SCRIB: variants seen among roughly 807,000 people sequenced by gnomAD.
SCRIB encodes the protein scribble planar cell polarity protein.
In SCRIB, 72 loss-of-function variants were observed where a neutral mutation model predicts 170.0. The observed-to-expected ratio is 0.42, with a 90% confidence interval of 0.35 to 0.52. The LOEUF is 0.52. Ranked by LOEUF, SCRIB falls within the 20% of genes least tolerant of loss-of-function variation. The probability of loss-of-function intolerance (pLI) is 0.02; values close to 1 mark genes in which losing one functional copy is unlikely to be tolerated. For missense variants in SCRIB, 2,475 were observed against 2,338.5 expected (o/e 1.06, Z -1.20); for synonymous variants, 1,298 against 1,044.3 (o/e 1.24, Z -4.68).
Position 143,805,453 on chromosome 8 carries a change from C to T in SCRIB, c.2347-18G>A, listed in dbSNP as rs1554636336. ...CCATTCACCTGCGGGCCAGGGACCA[C>T]GTGCGTATTCAGGACCCAGTGCCGC... On this transcript the variant is annotated intron_variant, in intron 18 of 36. Coordinates refer to ENST00000356994, the MANE Select transcript of SCRIB (RefSeq NM_182706.5). 7.5e-6 allele frequency: 11 copies of T among 1,464,098 alleles called. No homozygotes were observed. The highest frequency in any genetic ancestry group is 4.1e-5 in the South Asian group (3 of 73,372). The allele number at this position is 1,464,098 out of a possible 1,614,324, so 90.7% of individuals were successfully genotyped here.
intron 30 of SCRIB, 32 bp from the exon 31 acceptor site, chr8:143,792,667 C>A: frequency 1.3e-6 from 2 of 1,591,494 alleles, no homozygotes; most frequent in Non-Finnish European, 1.7e-6. Flanking sequence ...CAGGCCAGAC[C>A]AGCCGAGACC....
At position 143,790,943 on chromosome 8, in the gene SCRIB, A is replaced by T; in HGVS notation, c.*220T>A. 2.3e-6 allele frequency: 1 copy of T among 436,636 alleles called. No individual in the cohort carries two copies. Among genetic ancestry groups the T allele is most frequent in the Non-Finnish European group, 3.9e-6 (1 of 259,346 alleles). The allele number at this position is 436,636 out of a possible 1,614,324, so 27.0% of individuals were successfully genotyped here. A position where few individuals can be genotyped will look rare whatever the true frequency, so the allele number is the denominator to read the frequency against. On this transcript the variant is annotated 3_prime_UTR_variant, in exon 37 of 37. Coordinates refer to ENST00000356994, the MANE Select transcript of SCRIB (RefSeq NM_182706.5). ...CGGGAGGTAAAATGTAGTCAACTTTATTCTCCTTAAACCACAAAATAGAGT... is the reference window on the plus strand; with the variant it reads ...CGGGAGGTAAAATGTAGTCAACTTTTTTCTCCTTAAACCACAAAATAGAGT...
In SCRIB at chr8:143,813,735, G is replaced by A. The variant is rs768893081; in HGVS notation, c.357-9C>T. On this transcript the variant is annotated splice_polypyrimidine_tract_variant and intron_variant, in intron 3 of 36. Coordinates refer to ENST00000356994, the MANE Select transcript of SCRIB (RefSeq NM_182706.5). Reference sequence around the variant, plus strand: ...TGAAGCCATCAGGGAGCCTGGATGGGAGGAAGCAGAGGCCCTCGGATGACC... The same window carrying A: ...TGAAGCCATCAGGGAGCCTGGATGGAAGGAAGCAGAGGCCCTCGGATGACC... The A allele has an allele frequency of 5.0e-6, 8 of 1,613,284 alleles. No homozygotes were observed. Among genetic ancestry groups the A allele is most frequent in the Non-Finnish European group, 5.9e-6 (7 of 1,179,898 alleles).
rs1554637241 is a variant in SCRIB, at chr8:143,808,692, C to T, written c.2032G>A (p.Glu678Lys). 6 of 1,549,268 alleles carry T rather than the reference C, an allele frequency of 3.9e-6. No homozygotes were observed. The highest frequency in any genetic ancestry group is 4.0e-5 in the Admixed American group (2 of 50,356). The part of the protein sequence containing the change: ...SPQEEEEEEE[E>K]ENRAEEEEAS... ...TCTTCCTCTTCAGCCCTGTTTTCCT[C>T]CTCCTCCTCTTCCTCCTCCTCCTGA... The change falls in exon 15 of 37, where the codon GAG (glutamate) becomes AAG (lysine). Residue 678 changes from glutamate (E) to lysine (K), a missense_variant. Glu to Lys is a moderately conservative substitution (Grantham distance 56). Coordinates refer to ENST00000356994, the MANE Select transcript of SCRIB (RefSeq NM_182706.5).
rs949096744 is a variant in SCRIB at position 143,813,622 on chromosome 8, T to G, written c.446+15A>C. The G allele has an allele frequency of 6.2e-7, 1 of 1,612,952 alleles. No homozygotes were observed. Among genetic ancestry groups the G allele is most frequent in the East Asian group, 2.2e-5 (1 of 44,876 alleles). On this transcript the variant is annotated intron_variant, in intron 4 of 36. Coordinates refer to ENST00000356994, the MANE Select transcript of SCRIB (RefSeq NM_182706.5). ...TCCCCCACCCCACCCTAGTTCCACC[T>G]GAGAAGGCACTCACTTGCCCACGTC...
rs1264295001 is a variant in SCRIB at position 143,803,913 on chromosome 8, T to G, written c.3148A>C (p.Ser1050Arg). The G allele has an allele frequency of 5.7e-6, 9 of 1,589,668 alleles. No individual in the cohort carries two copies. The African/African-American group carries it at 1.2e-4, about 21-fold the overall frequency. ...ATGCGGTCCCCAACCCGCAGGCCGCTGCGAGCGGCCAGGCCCCGCGGGAGC... is the reference window on the plus strand; with the variant it reads ...ATGCGGTCCCCAACCCGCAGGCCGCGGCGAGCGGCCAGGCCCCGCGGGAGC... ...KVLPRGLAAR[S>R]GLRVGDRILA... Residue 1050 changes from serine to arginine, a missense_variant, in exon 23 of 37, where the codon AGC (serine) becomes CGC (arginine). Around this residue, in one of 3 missense-constraint regions of SCRIB, gnomAD observed 1,966 missense variants for 1,742.9 expected, o/e 1.13. Coordinates refer to ENST00000356994, the MANE Select transcript of SCRIB (RefSeq NM_182706.5).
Position 143,804,115 on chromosome 8 carries a change from A to C in SCRIB, c.3051T>G (p.Ser1017Arg). ...LPRAGGPLGL[S>R]IVGGSDHSSH... Reference sequence around the variant, plus strand: ...TGGAATGGTCGGAGCCTCCGACAATACTAAGCCCCAGAGGGCCCCCAGCTC... The same window carrying C: ...TGGAATGGTCGGAGCCTCCGACAATCCTAAGCCCCAGAGGGCCCCCAGCTC... Residue 1017 changes from serine to arginine, a missense_variant, in exon 22 of 37, where the codon AGT becomes AGG. Physicochemically the swap from Ser to Arg is moderately radical, Grantham distance 110 (BLOSUM62 -1). This residue lies in a region of SCRIB where 1,966 missense variants were observed against 1,742.9 expected (regional missense o/e 1.13). Transcript: ENST00000356994. 1 of 1,612,790 alleles carries C rather than the reference A, an allele frequency of 6.2e-7. No homozygotes were observed. The highest frequency in any genetic ancestry group is 1.3e-5 in the African/African-American group (1 of 75,070).
chr8:143,810,340 C>A, intron 13 of SCRIB, 139 bp downstream of exon 13: 7 of 1,288,326 alleles, frequency 5.4e-6, no homozygotes, highest in Non-Finnish European at 7.5e-6. Context: ...AGCTCCATGT[C>A]CCTGAAACCT....
At position 143,792,018 on chromosome 8, in the gene SCRIB, G is replaced by A; in HGVS notation, c.4630C>T (p.Pro1544Ser). 6.4e-7 allele frequency: 1 copy of A among 1,551,996 alleles called. No individual in the cohort carries two copies. The highest frequency in any genetic ancestry group is 1.2e-5 in the South Asian group (1 of 83,650). Reference sequence around the variant, plus strand: ...TCCACAGGGGTGGGCGACGGGGTGGGCGCAGGGGAAGGGGCCTCGGCCAGT... The same window carrying A: ...TCCACAGGGGTGGGCGACGGGGTGGACGCAGGGGAAGGGGCCTCGGCCAGT... The part of the protein sequence containing the change: ...ERLAEAPSPA[P>S]TPSPTPVEDL... The change falls in exon 33 of 37, where the codon CCC becomes TCC. Residue 1544 changes from proline to serine, a missense_variant. Transcript: ENST00000356994.
intron 9 of SCRIB, 70 bp downstream of exon 9, chr8:143,812,196 G>T: frequency 9.8e-7 from 1 of 1,024,478 alleles, no homozygotes; most frequent in Non-Finnish European, 1.6e-6. Context: ...AGCAGACACA[G>T]GCTGATGCCC....
Position 143,811,343 on chromosome 8 carries a change from G to C in SCRIB, c.909C>G (p.Ala303=). The change falls in exon 10 of 37, where the codon GCC becomes GCG. Residue 303 remains alanine (A), a splice_region_variant and synonymous_variant. Transcript: ENST00000356994. Reference sequence around the variant, plus strand: ...TCAGCTTTCCCAGGGAGCGGGGCAGGGCCTGGCCAAGAAGAGGAGGTCAGA... The same window carrying C: ...TCAGCTTTCCCAGGGAGCGGGGCAGCGCCTGGCCAAGAAGAGGAGGTCAGA... ...ELILTENLLM[A]LPRSLGKLTK... The C allele has an allele frequency of 6.2e-7, 1 of 1,611,510 alleles. No homozygotes were observed. Among genetic ancestry groups the C allele is most frequent in the Non-Finnish European group, 8.5e-7 (1 of 1,178,876 alleles).
chr8:143,792,972 A>G lies in SCRIB; in HGVS notation c.4017+4T>C. 1 of 1,498,314 alleles carries G rather than the reference A, an allele frequency of 6.7e-7. No homozygotes were observed. Among genetic ancestry groups the G allele is most frequent in the South Asian group, 1.3e-5 (1 of 75,780 alleles). The allele number at this position is 1,498,314 out of a possible 1,614,324, so 92.8% of individuals were successfully genotyped here. A position where few individuals can be genotyped will look rare whatever the true frequency, so the allele number is the denominator to read the frequency against. On this transcript the variant is annotated splice_donor_region_variant and intron_variant, in intron 29 of 36. Coordinates refer to ENST00000356994, the MANE Select transcript of SCRIB (RefSeq NM_182706.5). ...CAGCAGGGAGGCGTGCTGCCCCCAC[A>G]CACCTGGGCAGGGGCATCCTCAGGC...
chr8:143,791,615 T>C (rs782070566), intron 35 of SCRIB, 51 bp downstream of exon 35: 5 of 1,528,070 alleles, frequency 3.3e-6, no homozygotes, highest in Non-Finnish European at 4.5e-6. Context: ...ATGGGGGCGG[T>C]GGCAGGCACG....
At chr8:143,798,035 G>A (rs1554634338) in intron 24 of SCRIB, among the ~76,000 whole-genome samples, 2 of 152,214 alleles carry the variant, frequency 1.3e-5, no homozygotes, top group African/African-American at 4.8e-5. Flanking sequence ...CAGAGAGATG[G>A]AGGCCGGTCT....
intron 24 of SCRIB, among the ~76,000 whole-genome samples, chr8:143,802,894 G>A (rs980910714): frequency 6.6e-6 from 1 of 152,198 alleles, no homozygotes; most frequent in Non-Finnish European, 1.5e-5. Flanking sequence ...CTCTGTTGAG[G>A]GGTCACCAGA....
chr8:143,813,382 G>C lies in SCRIB; in HGVS notation c.504-8C>G, dbSNP rs376123747. On this transcript the variant is annotated splice_polypyrimidine_tract_variant and splice_region_variant and intron_variant, in intron 5 of 36. Transcript: ENST00000356994. Reference sequence around the variant, plus strand: ...ACCAGAAATGACAGGGACCTGCAGAGGAAGCAGGGTGGAGGTGTGGCCACG... The same window carrying C: ...ACCAGAAATGACAGGGACCTGCAGACGAAGCAGGGTGGAGGTGTGGCCACG... 1.9e-6 allele frequency: 3 copies of C among 1,613,432 alleles called. No homozygotes were observed. The African/African-American group carries it at 4.0e-5, about 22-fold the overall frequency.
rs143535604 is a variant in SCRIB, at chr8:143,800,196, A to G, written c.3603+3187T>C. On this transcript the variant is annotated intron_variant, in intron 24 of 36. Transcript: ENST00000356994. ...CCCAGCTCCTCTCTCTCAAGCCCCA[A>G]GCCCGCTGATGAAACCTCCATGGGC... Among the ~76,000 whole-genome samples the G allele has an allele frequency of 2.6e-3, 399 of 152,270 alleles. 1 individual carries two copies. The highest frequency in any genetic ancestry group is 4.0e-3 in the Non-Finnish European group (274 of 68,000).
At chr8:143,804,272 G>A (rs1173741298) in intron 21 of SCRIB, 116 bp from the exon 22 acceptor site, 2 of 787,960 alleles carry the variant, frequency 2.5e-6, no homozygotes, top group African/African-American at 1.8e-5. Context: ...CTGCCCTAAT[G>A]CCCACGGGGA....
intron 24 of SCRIB, among the ~76,000 whole-genome samples, chr8:143,801,644 G>A (rs187344505): frequency 4.9e-4 from 74 of 152,250 alleles, no homozygotes; most frequent in African/African-American, 1.7e-3. Flanking sequence ...GGGTGACAAC[G>A]GAGAGCAAGG....
Sources: gnomAD v4.1 joint callset for allele counts (sites outside exome capture counted in the v4.1 genomes callset) on GRCh38, gnomAD v4.1.1 for gene constraint, gnomAD v4.1.1 regional missense constraint, MANE v1.5 for transcripts, NCBI Gene and HGNC (gene_info 2026-07-23, HGNC 2026-07-21) for gene names.